Variants in SLC25A29 observed in about 807,000 individuals in gnomAD.
SLC25A29 encodes mitochondrial basic amino acids transporter.
In SLC25A29, 13 loss-of-function variants were observed where a neutral mutation model predicts 10.0. That is an observed-to-expected ratio of 1.30 (90% CI 0.85 to 2.07). The LOEUF (loss-of-function observed/expected upper bound fraction) is 2.07. Ranked by LOEUF, SLC25A29 falls within the 30% of genes most tolerant of loss-of-function variation. The probability of loss-of-function intolerance (pLI) is 0.00; values close to 1 mark genes in which losing one functional copy is unlikely to be tolerated. For synonymous variants in SLC25A29, 244 were observed against 221.1 expected (o/e 1.10, Z -0.92); for missense variants, 475 against 447.6 (o/e 1.06, Z -0.55).
Position 100,292,553 on chromosome 14 carries a change from C to T in SLC25A29, c.642G>A (p.Lys214=), listed in dbSNP as rs377301825. 91 of 1,601,210 alleles carry T rather than the reference C, an allele frequency of 5.7e-5. No individual in the cohort carries two copies. The highest frequency in any genetic ancestry group is 7.4e-5 in the Non-Finnish European group (87 of 1,174,884). ...GCAGTCCGTCCGCCTGCAGCCGCGA[C>T]TTGACCACGTCCACAGGATAGGTAG... ...WLSTYPVDVV[K]SRLQADGLRG... The change falls in exon 4 of 4, where the codon AAG becomes AAA. Residue 214 remains lysine, a synonymous_variant. Transcript: ENST00000359232.
At chr14:100,288,545 C>T (rs904392967), downstream of SLC25A29, among the ~76,000 whole-genome samples, 17 of 152,108 alleles carry the variant, frequency 1.1e-4, no homozygotes, top group African/African-American at 3.6e-4. Context: ...CCCTCTTGAA[C>T]GTCTGGCCCT....
At position 100,291,747 on chromosome 14, in the gene SLC25A29, G is replaced by C. The variant is rs1195444781; in HGVS notation, c.*536C>G. 1 of 161,448 alleles carries C rather than the reference G, an allele frequency of 6.2e-6. No homozygotes were observed. The highest frequency in any genetic ancestry group is 2.4e-5 in the African/African-American group (1 of 41,474). 10.0% of individuals were successfully genotyped at this position (161,448 alleles called of 1,614,324 possible). ...ACCCCTAGCAGTGGCATGTGGAGAA[G>C]CTGGGGTATGCAGAGGATCCAGTTC... On this transcript the variant is annotated 3_prime_UTR_variant, in exon 4 of 4. Transcript: ENST00000359232.
In SLC25A29 at chr14:100,292,410, T is replaced by C; in HGVS notation, c.785A>G (p.Asn262Ser). Residue 262 changes from asparagine to serine, a missense_variant, in exon 4 of 4, where the codon AAC becomes AGC. Transcript: ENST00000359232. The part of the protein sequence containing the change: ...ASTLLRAFPV[N>S]AATFATVTVV... ...CGTGACGGTGGCGAAGGTGGCAGCG[T>C]TGACGGGGAAGGCGCGCAGCAGCGT... is the stretch of plus-strand genomic sequence containing the variant. The C allele has an allele frequency of 6.3e-7, 1 of 1,576,338 alleles. No homozygotes were observed. Among genetic ancestry groups the C allele is most frequent in the Non-Finnish European group, 8.6e-7 (1 of 1,163,970 alleles).
Position 100,293,723 on chromosome 14 carries a change from G to A in SLC25A29, c.79-346C>T, listed in dbSNP as rs547687108. The A allele has an allele frequency of 2.3e-4, 58 of 250,020 alleles. No homozygotes were observed. In the South Asian group the frequency reaches 3.4e-3, roughly 15 times the overall value. The allele number at this position is 250,020 out of a possible 1,614,324, so 15.5% of individuals were successfully genotyped here. A position where few individuals can be genotyped will look rare whatever the true frequency, so the allele number is the denominator to read the frequency against. ...GAGACTGGCCCGTTCTCCAGGTGAT[G>A]CTTGTCATACTGCTGAGTGAGCGGC... On this transcript the variant is annotated intron_variant, in intron 2 of 3. Transcript: ENST00000359232.
the SLC25A29 span, chr14:100,279,560 G>T: frequency 2.6e-5 from 4 of 152,278 alleles, no homozygotes; most frequent in Non-Finnish European, 5.9e-5. Flanking sequence ...GGTAAGCCAG[G>T]CTTTGCTGTA....
chr14:100,298,393 A>G (rs1892314237), intron 2 of SLC25A29: 3 of 185,678 alleles, frequency 1.6e-5, no homozygotes, highest in Non-Finnish European at 3.4e-5. Flanking sequence ...ACCGGCTAAC[A>G]GGGCCCTTCC....
At chr14:100,289,805 G>A (rs984515506), downstream of SLC25A29, among the ~76,000 whole-genome samples, 1 of 127,462 alleles carries the variant, frequency 7.8e-6, no homozygotes, top group East Asian at 2.4e-4. Flanking sequence ...GAGCACCACT[G>A]CACTCCAGCC....
chr14:100,300,227 C>T (rs1595367532), intron 1 of SLC25A29, among the ~76,000 whole-genome samples: 1 of 152,102 alleles, frequency 6.6e-6, no homozygotes, highest in African/African-American at 2.4e-5. Flanking sequence ...GCTGAGATCG[C>T]GCTACTGCAC....
intron 1 of SLC25A29, chr14:100,299,285 C>T (rs1892383740): frequency 9.6e-6 from 10 of 1,037,386 alleles, no homozygotes; most frequent in East Asian, 1.9e-4. Context: ...ACTTTGGGGT[C>T]AGACCCTCCC....
At chr14:100,284,962 C>G in the SLC25A29 span, among the ~76,000 whole-genome samples, 2 of 140,296 alleles carry the variant, frequency 1.4e-5, no homozygotes, top group South Asian at 4.6e-4. Context: ...TCGCTTGGAC[C>G]TGGGAGGTGG....
downstream of SLC25A29, among the ~76,000 whole-genome samples, chr14:100,290,824 G>A (rs1420129390): frequency 6.6e-6 from 1 of 152,144 alleles, no homozygotes; most frequent in African/African-American, 2.4e-5. Flanking sequence ...CTGCTGCCCC[G>A]CCCGCCAGTG....
In SLC25A29 at chr14:100,295,427, C is replaced by A. The variant is rs551785374; in HGVS notation, c.79-2050G>T. ...CCCAGCTCCCCATAGGGCCGAGAGA[C>A]CCCCACATGAGGACCCCCAATCCAG... is the stretch of plus-strand genomic sequence containing the variant. On this transcript the variant is annotated intron_variant, in intron 2 of 3. Transcript: ENST00000359232. The A allele has an allele frequency of 1.7e-4, 67 of 403,354 alleles. 2 individuals are homozygous for A. Among genetic ancestry groups the A allele is most frequent in the South Asian group, 1.3e-3 (63 of 47,226 alleles). The allele number at this position is 403,354 out of a possible 1,614,324, so 25.0% of individuals were successfully genotyped here. A position where few individuals can be genotyped will look rare whatever the true frequency, so the allele number is the denominator to read the frequency against.
rs1278412986 is a variant in SLC25A29, at chr14:100,300,153, C to A, written c.35-1268G>T. 3.3e-5 allele frequency among the ~76,000 whole-genome samples: 5 copies of A among 152,124 alleles called. No individual in the cohort carries two copies. The East Asian group carries it at 9.6e-4, about 29-fold the overall frequency. On this transcript the variant is annotated intron_variant, in intron 1 of 3. Coordinates refer to ENST00000359232, the MANE Select transcript of SLC25A29 (RefSeq NM_001039355.3). ...AGGTGTGGTGGCGGGTGCCTATAGT[C>A]CCAGCTACTCAGGAGGCTGAGGTGG...
At chr14:100,285,788 G>A in the SLC25A29 span, among the ~76,000 whole-genome samples, 4 of 152,088 alleles carry the variant, frequency 2.6e-5, no homozygotes, top group African/African-American at 9.7e-5. Context: ...GGGGGCCCCA[G>A]CTAAGCAAGG....
In SLC25A29 at chr14:100,292,515, C is replaced by G. The variant is rs201690321; in HGVS notation, c.680G>C (p.Arg227Pro). 2.2e-5 allele frequency: 35 copies of G among 1,589,224 alleles called. No individual in the cohort carries two copies. Among genetic ancestry groups the G allele is most frequent in the South Asian group, 3.4e-5 (3 of 88,194 alleles). The change falls in exon 4 of 4, where the codon CGC becomes CCC. Residue 227 changes from arginine (R) to proline (P), a missense_variant. By Grantham distance (103) the Arg-to-Pro change is moderately radical (BLOSUM62 -2). Coordinates refer to ENST00000359232, the MANE Select transcript of SLC25A29 (RefSeq NM_001039355.3). ...CACGCAGTCCAGGATGCCGCGGTAG[C>G]GCGGGGCGCCCCGCAGTCCGTCCGC... Reference protein sequence around the residue: ...LQADGLRGAPRYRGILDCVHQ... With the variant: ...LQADGLRGAPPYRGILDCVHQ...
intron 1 of SLC25A29, chr14:100,305,111 C>A (rs1892827373): frequency 6.6e-6 from 1 of 152,220 alleles, no homozygotes; most frequent in Non-Finnish European, 1.5e-5. Context: ...GGGTAACCGA[C>A]CGGGAAGTTC....
At chr14:100,287,132 G>T (rs1171481033), downstream of SLC25A29, among the ~76,000 whole-genome samples, 1 of 152,256 alleles carries the variant, frequency 6.6e-6, no homozygotes, top group Non-Finnish European at 1.5e-5. Flanking sequence ...TATAAGAAAT[G>T]ACTCACTAAA....
At chr14:100,288,117 T>A (rs1891582061), downstream of SLC25A29, among the ~76,000 whole-genome samples, 1 of 152,108 alleles carries the variant, frequency 6.6e-6, no homozygotes, top group Admixed American at 6.5e-5. Context: ...GCGCGGTGGC[T>A]CATGCCTGTA....
Position 100,298,748 on chromosome 14 carries a change from G to A in SLC25A29, c.78+94C>T, listed in dbSNP as rs1595364916. 13 of 1,511,044 alleles carry A rather than the reference G, an allele frequency of 8.6e-6. No individual in the cohort carries two copies. The East Asian group carries it at 2.9e-4, about 34-fold the overall frequency. 93.6% of individuals were successfully genotyped at this position (1,511,044 alleles called of 1,614,324 possible). On this transcript the variant is annotated intron_variant, in intron 2 of 3. Transcript: ENST00000359232. The stretch of plus-strand genomic sequence containing the variant: ...GGTGTAAAAGCAGCTGCCCACCTGG[G>A]GCTGTACACGGAAACAGGCTTCCAG...
Sources: gnomAD v4.1 joint callset for allele counts (sites outside exome capture counted in the v4.1 genomes callset) on GRCh38, gnomAD v4.1.1 for gene constraint, MANE v1.5 for transcripts, NCBI Gene and HGNC (gene_info 2026-07-23, HGNC 2026-07-21) for gene names.